Variants in TTC29 observed in about 807,000 individuals in gnomAD.
TTC29 encodes the protein tetratricopeptide repeat protein 29.
A neutral mutation model predicts 58.1 loss-of-function variants in TTC29; 49 were observed. That is an observed-to-expected ratio of 0.84 (90% CI 0.67 to 1.07). The LOEUF (loss-of-function observed/expected upper bound fraction) is 1.07, where lower values mean the gene tolerates loss of function less well. TTC29 is among the 50% of genes least tolerant of loss of function. The pLI is 0.00. For missense variants in TTC29, 582 were observed against 555.6 expected, an observed-to-expected ratio of 1.05 and a Z score of -0.48; for synonymous variants, 209 against 196.8, an observed-to-expected ratio of 1.06 and a Z score of -0.52.
intron 8 of TTC29, among the ~76,000 whole-genome samples, chr4:146,847,472 C>A (rs900384634): frequency 6.6e-6 from 1 of 152,094 alleles, no homozygotes; most frequent in African/African-American, 2.4e-5. Flanking sequence ...GCTACTATTC[C>A]AGCAACAAAT....
chr4:146,908,921 G>A, intron 5 of TTC29, 105 bp downstream of exon 5: 1 of 958,072 alleles, frequency 1.0e-6, no homozygotes, highest in African/African-American at 1.6e-5. Context: ...AGTGTGCTAA[G>A]TTGTCTTAAT....
intron 11 of TTC29, among the ~76,000 whole-genome samples, chr4:146,759,649 G>A (rs549546538): frequency 2.8e-4 from 42 of 152,178 alleles, no homozygotes; most frequent in Middle Eastern, 3.4e-3. Context: ...GTCAATAAAT[G>A]TGATACACCA....
intron 4 of TTC29, among the ~76,000 whole-genome samples, chr4:146,917,128 T>C (rs1381628051): frequency 6.6e-6 from 1 of 151,056 alleles, no homozygotes; most frequent in Non-Finnish European, 1.5e-5. Flanking sequence ...ATTTTCTATA[T>C]GATTTAATTT....
At chr4:146,841,567 TA>T (rs927021547) in intron 8 of TTC29, among the ~76,000 whole-genome samples, 2 of 126,226 alleles carry the variant, frequency 1.6e-5, no homozygotes, top group Non-Finnish European at 3.3e-5. Flanking sequence ...TGAACACGAA[TA>T]TTTTTTTTCT....
At chr4:146,910,368 T>A (rs1733817592) in intron 4 of TTC29, among the ~76,000 whole-genome samples, 1 of 152,126 alleles carries the variant, frequency 6.6e-6, no homozygotes, top group South Asian at 2.1e-4. Flanking sequence ...CAATTCCTCA[T>A]TATGCATTAG....
chr4:146,708,291 A>G (rs1742135592), intron 11 of TTC29, among the ~76,000 whole-genome samples: 1 of 138,218 alleles, frequency 7.2e-6, no homozygotes, highest in African/African-American at 3.0e-5. Flanking sequence ...CAAATAATGA[A>G]GTCAAATATG....
At chr4:146,799,066 G>A (rs1750030518) in intron 11 of TTC29, among the ~76,000 whole-genome samples, 1 of 152,008 alleles carries the variant, frequency 6.6e-6, no homozygotes, top group South Asian at 2.1e-4. Context: ...AAGCTAATTA[G>A]TGCTCAATAT....
chr4:146,880,406 A>G (rs1161986526), intron 6 of TTC29, among the ~76,000 whole-genome samples: 1 of 152,192 alleles, frequency 6.6e-6, no homozygotes, highest in Non-Finnish European at 1.5e-5. Context: ...TAAAGCCCAC[A>G]CAAACAAGAA....
intron 11 of TTC29, 85 bp downstream of exon 11, chr4:146,803,372 C>T (rs1750367963): frequency 2.0e-6 from 2 of 983,382 alleles, no homozygotes; most frequent in Non-Finnish European, 1.5e-6. Context: ...AAATCACCGA[C>T]ATTTGAGTGA....
At chr4:146,772,264 T>A (rs1747796555) in intron 11 of TTC29, among the ~76,000 whole-genome samples, 2 of 152,156 alleles carry the variant, frequency 1.3e-5, no homozygotes, top group African/African-American at 4.8e-5. Flanking sequence ...TTAGGTTCCA[T>A]TTGTCAATTT....
intron 4 of TTC29, among the ~76,000 whole-genome samples, chr4:146,913,569 C>T (rs2150291097): frequency 6.6e-6 from 1 of 152,194 alleles, no homozygotes; most frequent in East Asian, 1.9e-4. Context: ...TCCCAAAATT[C>T]TGAAACCAGA....
At chr4:146,895,014 C>T (rs1732671594) in intron 6 of TTC29, among the ~76,000 whole-genome samples, 1 of 152,108 alleles carries the variant, frequency 6.6e-6, no homozygotes, top group Non-Finnish European at 1.5e-5. Flanking sequence ...AGTGTTGTTC[C>T]CCATGGTGTG....
At chr4:146,914,866 A>G (rs949855755) in intron 4 of TTC29, among the ~76,000 whole-genome samples, 1 of 152,176 alleles carries the variant, frequency 6.6e-6, no homozygotes, top group South Asian at 2.1e-4. Flanking sequence ...GCAGAGCTGA[A>G]CAATATGGCA....
intron 11 of TTC29, among the ~76,000 whole-genome samples, chr4:146,754,314 G>T (rs555405510): frequency 6.6e-6 from 1 of 151,892 alleles, no homozygotes; most frequent in African/African-American, 2.4e-5. Context: ...CAGAGATTTG[G>T]ATATCTTTTA....
At chr4:146,935,905 T>C (rs558468726) in intron 4 of TTC29, among the ~76,000 whole-genome samples, 3 of 152,348 alleles carry the variant, frequency 2.0e-5, no homozygotes, top group East Asian at 1.9e-4. Context: ...TGGGCATTGC[T>C]GGGAGATGCT....
At chr4:146,746,771 T>C (rs538524211) in intron 11 of TTC29, among the ~76,000 whole-genome samples, 7 of 152,186 alleles carry the variant, frequency 4.6e-5, no homozygotes, top group Admixed American at 1.3e-4. Context: ...ATGAATGAGA[T>C]ATAAATTTAG....
chr4:146,818,176 T>C (rs1396667651), intron 10 of TTC29, among the ~76,000 whole-genome samples: 4 of 152,206 alleles, frequency 2.6e-5, no homozygotes, highest in Non-Finnish European at 2.9e-5. Context: ...ATTTTCACAA[T>C]CTACTCATCT....
intron 4 of TTC29, among the ~76,000 whole-genome samples, chr4:146,926,511 C>A (rs1317802619): frequency 6.6e-6 from 1 of 151,878 alleles, no homozygotes; most frequent in Admixed American, 6.6e-5. Flanking sequence ...CCTGCCTTGT[C>A]GCCCAGGCTG....
intron 9 of TTC29, among the ~76,000 whole-genome samples, chr4:146,825,222 T>G (rs940406994): frequency 1.2e-4 from 19 of 152,314 alleles, no homozygotes; most frequent in African/African-American, 4.6e-4. Context: ...CTTTCCCACT[T>G]TCTCCTGTGG....
Sources: gnomAD v4.1 joint callset for allele counts (sites outside exome capture counted in the v4.1 genomes callset) on GRCh38, gnomAD v4.1.1 for gene constraint, MANE v1.5 for transcripts, NCBI Gene and HGNC (gene_info 2026-07-23, HGNC 2026-07-21) for gene names.